Variants in ZNF804A observed in about 807,000 individuals in gnomAD.
ZNF804A encodes zinc finger protein 804A.
In ZNF804A, 2 loss-of-function variants were observed where a neutral mutation model predicts 16.5. The observed-to-expected ratio is 0.12, with a 90% CI of 0.05 to 0.38. The LOEUF (loss-of-function observed/expected upper bound fraction) is 0.38, where lower values mean the gene tolerates loss of function less well. Ranked by LOEUF, ZNF804A falls within the 10% of genes least tolerant of loss-of-function variation. The pLI is 0.99. For missense variants in ZNF804A, 1,473 were observed against 1,390.7 expected, an observed-to-expected ratio of 1.06 and a Z score of -0.94; for synonymous variants, 534 against 489.6, an observed-to-expected ratio of 1.09 and a Z score of -1.20.
chr2:184,648,531 TC>T (rs1472474818), intron 1 of ZNF804A, among the ~76,000 whole-genome samples: 2 of 152,122 alleles, frequency 1.3e-5, no homozygotes, highest in African/African-American at 4.8e-5. Context: ...TAATCTGTTG[TC>T]TTCAAGAGAT....
At chr2:184,718,453 T>C (rs1444521941) in intron 1 of ZNF804A, among the ~76,000 whole-genome samples, 1 of 152,040 alleles carries the variant, frequency 6.6e-6, no homozygotes, top group African/African-American at 2.4e-5. Context: ...AACTCAAAAG[T>C]CCATAGCCCA....
At chr2:184,887,398 C>T (rs1234497161) in intron 2 of ZNF804A, among the ~76,000 whole-genome samples, 1 of 152,218 alleles carries the variant, frequency 6.6e-6, no homozygotes, top group African/African-American at 2.4e-5. Context: ...GCACTCCAAA[C>T]TTTTCCAAAT....
chr2:184,695,515 T>A (rs564528885), intron 1 of ZNF804A, among the ~76,000 whole-genome samples: 136 of 150,386 alleles, frequency 9.0e-4, no homozygotes, highest in African/African-American at 3.3e-3. Context: ...AAACTTTTTT[T>A]AAGAGACAGG....
At chr2:184,889,835 A>C (rs1393092976) in intron 2 of ZNF804A, among the ~76,000 whole-genome samples, 1 of 152,148 alleles carries the variant, frequency 6.6e-6, no homozygotes, top group African/African-American at 2.4e-5. Context: ...CTATTGAAAC[A>C]TATATCTTAA....
At chr2:184,719,944 A>G (rs545676706) in intron 1 of ZNF804A, among the ~76,000 whole-genome samples, 2 of 152,280 alleles carry the variant, frequency 1.3e-5, no homozygotes, top group African/African-American at 4.8e-5. Context: ...ATATCAATGT[A>G]AAGTATTATT....
intron 1 of ZNF804A, among the ~76,000 whole-genome samples, chr2:184,757,321 C>T (rs1693973774): frequency 6.6e-6 from 1 of 151,950 alleles, no homozygotes; most frequent in Non-Finnish European, 1.5e-5. Context: ...CTGTATTTTC[C>T]TTTCCACACA....
intron 2 of ZNF804A, among the ~76,000 whole-genome samples, chr2:184,894,551 AT>A (rs1382187054): frequency 1.3e-5 from 2 of 152,036 alleles, no homozygotes; most frequent in African/African-American, 4.8e-5. Context: ...AGTTTCAAAA[AT>A]CTAGATTACA....
At chr2:184,703,072 T>A (rs1456415742) in intron 1 of ZNF804A, among the ~76,000 whole-genome samples, 1 of 152,192 alleles carries the variant, frequency 6.6e-6, no homozygotes, top group Non-Finnish European at 1.5e-5. Context: ...ATAAGCAATT[T>A]AATTGCAATA....
At chr2:184,708,551 G>A (rs948507452) in intron 1 of ZNF804A, among the ~76,000 whole-genome samples, 2 of 151,952 alleles carry the variant, frequency 1.3e-5, no homozygotes, top group Admixed American at 6.6e-5. Context: ...ATGAGGAAAG[G>A]ACCAAATTCA....
At chr2:184,651,546 C>G (rs1238363989) in intron 1 of ZNF804A, among the ~76,000 whole-genome samples, 1 of 151,984 alleles carries the variant, frequency 6.6e-6, no homozygotes, top group Non-Finnish European at 1.5e-5. Flanking sequence ...ACACATCTGA[C>G]AAACATATCT....
chr2:184,763,950 T>G (rs185631561), intron 1 of ZNF804A, among the ~76,000 whole-genome samples: 1 of 152,100 alleles, frequency 6.6e-6, no homozygotes, highest in East Asian at 1.9e-4. Context: ...CCAAAATGCT[T>G]TTTCCTTTAA....
chr2:184,714,454 A>T (rs1158752390), intron 1 of ZNF804A, among the ~76,000 whole-genome samples: 1 of 152,134 alleles, frequency 6.6e-6, no homozygotes, highest in Non-Finnish European at 1.5e-5. Flanking sequence ...ATGTTAAAAT[A>T]TATTTACATT....
intron 1 of ZNF804A, among the ~76,000 whole-genome samples, chr2:184,614,771 A>T (rs747900405): frequency 5.3e-5 from 8 of 152,222 alleles, no homozygotes; most frequent in Non-Finnish European, 8.8e-5. Flanking sequence ...TATGTGACCA[A>T]CAAACATGAA....
chr2:184,778,121 T>C (rs1420327172), intron 1 of ZNF804A, among the ~76,000 whole-genome samples: 1 of 151,686 alleles, frequency 6.6e-6, no homozygotes, highest in Non-Finnish European at 1.5e-5. Context: ...TGCTGCAAAG[T>C]AGCTGTGTTA....
chr2:184,664,893 G>C (rs1292496692), intron 1 of ZNF804A, among the ~76,000 whole-genome samples: 1 of 152,096 alleles, frequency 6.6e-6, no homozygotes, highest in Non-Finnish European at 1.5e-5. Context: ...GCAATAATTG[G>C]TGTAAACATT....
intron 1 of ZNF804A, among the ~76,000 whole-genome samples, chr2:184,736,951 G>T (rs1574187804): frequency 2.1e-5 from 3 of 142,196 alleles, no homozygotes; most frequent in South Asian, 2.2e-4. Flanking sequence ...TGTTTTTTCT[G>T]TTTTAAAGAA....
chr2:184,663,636 C>T lies in ZNF804A; in HGVS notation c.111+64566C>T, dbSNP rs1195672279. 2.0e-5 allele frequency among the ~76,000 whole-genome samples: 3 copies of T among 152,138 alleles called. No homozygotes were observed. The East Asian group carries it at 5.8e-4, about 29-fold the overall frequency. On this transcript the variant is annotated intron_variant, in intron 1 of 3. Transcript: ENST00000302277. Reference sequence around the variant, plus strand: ...AGCAATGGGGGCCAGGCTGTCAGTTCTGGGTTTAGTCCATGGCCCAGATTG... The same window carrying T: ...AGCAATGGGGGCCAGGCTGTCAGTTTTGGGTTTAGTCCATGGCCCAGATTG...
At chr2:184,771,603 A>T (rs1387639232) in intron 1 of ZNF804A, among the ~76,000 whole-genome samples, 1 of 151,122 alleles carries the variant, frequency 6.6e-6, no homozygotes, top group East Asian at 1.9e-4. Flanking sequence ...TAAAATAAAA[A>T]AAAAAAAGAA....
At chr2:184,863,554 TAA>T (rs35088942) in intron 1 of ZNF804A, among the ~76,000 whole-genome samples, 4 of 143,592 alleles carry the variant, frequency 2.8e-5, no homozygotes, top group Non-Finnish European at 4.6e-5. Context: ...TCAAACTTAT[TAA>T]AAAAAAAAAA....
Sources: gnomAD v4.1 joint callset for allele counts (sites outside exome capture counted in the v4.1 genomes callset) on GRCh38, gnomAD v4.1.1 for gene constraint, MANE v1.5 for transcripts, NCBI Gene and HGNC (gene_info 2026-07-23, HGNC 2026-07-21) for gene names.